The following STAB2 variants were observed in gnomAD, a reference collection of about 807,000 sequenced individuals.
The protein encoded by STAB2 is stabilin 2, also known as stabilin-2.
STAB2 carries 288 observed loss-of-function variants against 338.1 expected under a neutral mutation model. That is an observed-to-expected ratio of 0.85 (90% CI 0.77 to 0.94). The LOEUF is 0.94. Among genes scored for constraint, STAB2 ranks in the 40% least tolerant of loss-of-function variants. The pLI is 0.00. For missense variants in STAB2, 3,141 were observed against 3,210.1 expected (o/e 0.98, Z 0.52); for synonymous variants, 1,202 against 1,193.3 (o/e 1.01, Z -0.15).
intron 40 of STAB2, 110 bp downstream of exon 40, chr12:103,711,626 G>C: frequency 7.8e-7 from 1 of 1,283,778 alleles, no homozygotes; most frequent in South Asian, 1.3e-5. Context: ...CCATTTCTGA[G>C]GGCTTAGGAT....
intron 3 of STAB2, among the ~76,000 whole-genome samples, chr12:103,610,820 C>T (rs1957111065): frequency 6.6e-6 from 1 of 152,180 alleles, no homozygotes; most frequent in Non-Finnish European, 1.5e-5. Flanking sequence ...CTCTTGTTGG[C>T]ATTTAGTGCT....
chr12:103,650,402 C>A (rs575712419), intron 10 of STAB2, 94 bp from the exon 11 acceptor site: 5 of 943,672 alleles, frequency 5.3e-6, no homozygotes, highest in Non-Finnish European at 8.3e-6. Flanking sequence ...ATAAATGGAC[C>A]GGTCGTGACC....
rs1232700058 is a variant in STAB2 at position 103,766,367 on chromosome 12, CACTGCCACCTGGGCCATCAACT to C, written c.*32_*53del. The C allele has an allele frequency of 6.3e-7, 1 of 1,590,832 alleles. No individual in the cohort carries two copies. The highest frequency in any genetic ancestry group is 8.6e-7 in the Non-Finnish European group (1 of 1,167,254). Reference sequence around the variant, plus strand: ...TGGACGGGAGATGCCAGCCATCACTCACTGCCACCTGGGCCATCAACTGTGAATTCTCAGCACCAGTTGCCTT... The same window carrying C: ...TGGACGGGAGATGCCAGCCATCACTCGTGAATTCTCAGCACCAGTTGCCTT... On this transcript the variant is annotated 3_prime_UTR_variant, in exon 69 of 69. Coordinates refer to ENST00000388887, the MANE Select transcript of STAB2 (RefSeq NM_017564.10).
intron 26 of STAB2, among the ~76,000 whole-genome samples, chr12:103,684,094 T>G (rs1877175480): frequency 6.6e-6 from 1 of 152,204 alleles, no homozygotes; most frequent in South Asian, 2.1e-4. Context: ...ATGTGACCTC[T>G]CGTTTGACTT....
At chr12:103,750,476 C>A in intron 59 of STAB2, 103 bp from the exon 60 acceptor site, 2 of 1,453,376 alleles carry the variant, frequency 1.4e-6, no homozygotes, top group Non-Finnish European at 1.9e-6. Flanking sequence ...TCTCTTGGTC[C>A]ATCTGAACAC....
At chr12:103,701,977 T>TACACACACACACAC (rs71097990) in intron 34 of STAB2, among the ~76,000 whole-genome samples, 61 of 144,032 alleles carry the variant, frequency 4.2e-4, no homozygotes, top group Admixed American at 3.2e-3. Flanking sequence ...TCAGCCCTGC[T>TACACACACACACAC]ACACACACAC....
intron 15 of STAB2, among the ~76,000 whole-genome samples, chr12:103,656,349 T>C (rs1003664710): frequency 3.9e-5 from 6 of 152,184 alleles, no homozygotes; most frequent in African/African-American, 1.4e-4. Flanking sequence ...TTATATAGAA[T>C]GTGGAGAGAA....
chr12:103,755,433 T>G lies in STAB2; in HGVS notation c.6846T>G (p.Ser2282Arg). 1 of 1,613,288 alleles carries G rather than the reference T, an allele frequency of 6.2e-7. No homozygotes were observed. Among genetic ancestry groups the G allele is most frequent in the African/African-American group, 1.3e-5 (1 of 74,652 alleles). The change falls in exon 62 of 69, where the codon AGT becomes AGG. Residue 2282 changes from serine to arginine, a missense_variant. By Grantham distance (110) the Ser-to-Arg change is moderately radical. Coordinates refer to ENST00000388887, the MANE Select transcript of STAB2 (RefSeq NM_017564.10). ...IVDYGPRPNK[S>R]EMWDVFCYRM... Reference sequence around the variant, plus strand: ...ACTATGGACCTAGACCCAACAAGAGTGAAATGTGGGATGTCTTCTGCTATC... The same window carrying G: ...ACTATGGACCTAGACCCAACAAGAGGGAAATGTGGGATGTCTTCTGCTATC...
intron 27 of STAB2, among the ~76,000 whole-genome samples, chr12:103,685,449 TGTGTGC>T (rs1555238701): frequency 1.4e-5 from 2 of 138,074 alleles, no homozygotes; most frequent in African/African-American, 2.6e-5. Context: ...TGTGTGTGTG[TGTGTGC>T]GCGTGCGTGT....
Position 103,619,748 on chromosome 12 carries a change from C to A in STAB2, c.332-720C>A, listed in dbSNP as rs556788074. ...CTGTCCCATTTTACCTCATCAGCAA[C>A]GCCCCCCGCCCCCGCCACCCCACAA... On this transcript the variant is annotated intron_variant, in intron 3 of 68. Transcript: ENST00000388887. Among the ~76,000 whole-genome samples the A allele has an allele frequency of 9.5e-5, 14 of 147,410 alleles. 1 individual carries two copies. The East Asian group carries it at 2.8e-3, about 30-fold the overall frequency.
chr12:103,697,998 G>T (rs537577587), intron 33 of STAB2, among the ~76,000 whole-genome samples: 2 of 152,314 alleles, frequency 1.3e-5, no homozygotes, highest in East Asian at 3.9e-4. Flanking sequence ...AGCGGAGAGG[G>T]CAGGATTAAG....
chr12:103,747,482 A>C (rs549673688), intron 58 of STAB2, among the ~76,000 whole-genome samples: 5 of 152,266 alleles, frequency 3.3e-5, no homozygotes, highest in African/African-American at 1.2e-4. Context: ...GAGGTGGCCA[A>C]TACCATAAGC....
intron 50 of STAB2, among the ~76,000 whole-genome samples, chr12:103,732,740 A>G (rs1413180682): frequency 1.3e-5 from 2 of 151,752 alleles, no homozygotes. Context: ...ACGAGGTTGA[A>G]GCTGCATTGA....
At chr12:103,594,259 GCCAAATGTGTT>G in intron 2 of STAB2, 125 bp from the exon 3 acceptor site, 1 of 613,662 alleles carries the variant, frequency 1.6e-6, no homozygotes. Context: ...TACCTAGAAA[GCCAAATGTGTT>G]CCATCTAGAT....
chr12:103,700,072 G>A lies in STAB2; in HGVS notation c.3714+845G>A, dbSNP rs962916660. 1.6e-4 allele frequency among the ~76,000 whole-genome samples: 25 copies of A among 152,246 alleles called. No homozygotes were observed. The Middle Eastern group carries it at 0.01, about 62-fold the overall frequency. ...ATAGATTGCAGTCCTAGGACTAACCGACCACCACACTGGTATTCTAGTGTT... is the reference window on the plus strand; with the variant it reads ...ATAGATTGCAGTCCTAGGACTAACCAACCACCACACTGGTATTCTAGTGTT... On this transcript the variant is annotated intron_variant, in intron 34 of 68. Transcript: ENST00000388887.
chr12:103,713,608 C>G, intron 41 of STAB2, 35 bp from the exon 42 acceptor site: 4 of 1,610,024 alleles, frequency 2.5e-6, no homozygotes, highest in Non-Finnish European at 3.4e-6. Flanking sequence ...TTTTGCCCTT[C>G]CCTCTCCCCT....
intron 53 of STAB2, 123 bp from the exon 54 acceptor site, chr12:103,739,289 C>A: frequency 1.1e-6 from 1 of 904,642 alleles, no homozygotes; most frequent in African/African-American, 1.7e-5. Flanking sequence ...TTTTCATATT[C>A]TTGATCATAG....
chr12:103,727,460 C>T, intron 47 of STAB2, 110 bp downstream of exon 47: 1 of 1,237,434 alleles, frequency 8.1e-7, no homozygotes, highest in East Asian at 2.3e-5. Flanking sequence ...GCTCTGAGAT[C>T]AGGTGGAACT....
At chr12:103,749,664 CT>C (rs1483730813) in intron 59 of STAB2, among the ~76,000 whole-genome samples, 2 of 137,998 alleles carry the variant, frequency 1.4e-5, no homozygotes, top group African/African-American at 5.4e-5. Flanking sequence ...CCCATGTCTA[CT>C]AAAAAAATGC....
Sources: allele counts gnomAD v4.1 joint callset (sites outside exome capture counted in the v4.1 genomes callset), GRCh38; gene constraint gnomAD v4.1.1; transcripts MANE v1.5; gene names NCBI Gene and HGNC (gene_info 2026-07-23, HGNC 2026-07-21).